RASEF: variants seen among roughly 807,000 people sequenced by gnomAD.
The protein encoded by RASEF is RAS and EF-hand domain containing.
RASEF carries 68 observed loss-of-function variants against 90.1 expected under a neutral mutation model. The observed-to-expected ratio is 0.75, with a 90% CI of 0.62 to 0.92. RASEF has a LOEUF of 0.92. Among genes scored for constraint, RASEF ranks in the 40% least tolerant of loss-of-function variants. The pLI is 0.00. For missense variants in RASEF, 949 were observed against 937.2 expected, an observed-to-expected ratio of 1.01 and a Z score of -0.16; for synonymous variants, 331 against 345.2, an observed-to-expected ratio of 0.96 and a Z score of 0.46.
the RASEF span, among the ~76,000 whole-genome samples, chr9:83,102,053 G>GAA: frequency 6.8e-6 from 1 of 147,932 alleles, no homozygotes; most frequent in Admixed American, 6.7e-5. Context: ...CACAAAATGT[G>GAA]AAAAAAAAAA....
At chr9:83,081,640 G>A in the RASEF span, among the ~76,000 whole-genome samples, 46 of 152,256 alleles carry the variant, frequency 3.0e-4, no homozygotes, top group South Asian at 4.6e-3. Context: ...TTCAACCACC[G>A]TTGGAAGTTC....
Position 82,998,415 on chromosome 9 carries a change from CA to C in RASEF, c.1754del (p.Val585GlyfsTer52), listed in dbSNP as rs1828961221. The C allele has an allele frequency of 1.2e-6, 2 of 1,612,914 alleles. No individual in the cohort carries two copies. The highest frequency in any genetic ancestry group is 1.7e-6 in the Non-Finnish European group (2 of 1,179,040). On this transcript the variant is annotated frameshift_variant, in exon 13 of 17. Transcript: ENST00000376447. LOFTEE classifies it high-confidence loss of function. ...GVDFQMKTLI[V>X]DGERTVLQLW... is the part of the protein sequence containing the mutation. ...GCTGCAGAACTGTTCGTTCTCCATC[CA>C]CAATGAGGGTTTTCATTTGGAAATC...
intron 1 of RASEF, among the ~76,000 whole-genome samples, chr9:83,032,090 C>T (rs1188367523): frequency 2.6e-5 from 4 of 152,152 alleles, no homozygotes; most frequent in Admixed American, 6.5e-5. Context: ...AGCTAAATAC[C>T]TGTGGATTTC....
rs1166032779 is a variant in RASEF at position 82,982,165 on chromosome 9, G to A, written c.*512C>T. 1.3e-5 allele frequency: 2 copies of A among 152,858 alleles called. No individual in the cohort carries two copies. The highest frequency in any genetic ancestry group is 4.8e-5 in the African/African-American group (2 of 41,436). The allele number at this position is 152,858 out of a possible 1,614,324, so 9.5% of individuals were successfully genotyped here. A position where few individuals can be genotyped will look rare whatever the true frequency, so the allele number is the denominator to read the frequency against. ...TGCCAAGGGCTGCAAGGCCTTTGAG[G>A]GCAAGCTGCACATTTTACAGATGAA... On this transcript the variant is annotated 3_prime_UTR_variant, in exon 17 of 17. Transcript: ENST00000376447.
the RASEF span, among the ~76,000 whole-genome samples, chr9:83,113,118 G>A: frequency 1.2e-4 from 19 of 152,250 alleles, 1 homozygote; most frequent in South Asian, 1.7e-3. Flanking sequence ...CGGAGGGACC[G>A]ACTGGAGCCG....
chr9:83,069,696 G>A, the RASEF span, among the ~76,000 whole-genome samples: 2 of 152,152 alleles, frequency 1.3e-5, no homozygotes, highest in Non-Finnish European at 2.9e-5. Context: ...CAATAAGATT[G>A]CTGGGTCATA....
chr9:83,059,569 G>T (rs943424844), intron 1 of RASEF, among the ~76,000 whole-genome samples: 4 of 152,024 alleles, frequency 2.6e-5, no homozygotes, highest in Non-Finnish European at 4.4e-5. Context: ...TCAGAAACTG[G>T]CAAGGCTACA....
chr9:83,018,807 A>G lies in RASEF; in HGVS notation c.670-2907T>C, dbSNP rs373172573. 3.3e-4 allele frequency among the ~76,000 whole-genome samples: 51 copies of G among 152,306 alleles called. 1 individual carries two copies. The South Asian group carries it at 0.011, about 32-fold the overall frequency. On this transcript the variant is annotated intron_variant, in intron 3 of 16. Transcript: ENST00000376447. ...ATCAAGACAATGTAATATTGGCATA[A>G]CAATAGACAAATCAATCAATGGAAC... is the stretch of plus-strand genomic sequence containing the variant.
chr9:83,032,461 G>T (rs1829664500), intron 1 of RASEF, among the ~76,000 whole-genome samples: 4 of 152,232 alleles, frequency 2.6e-5, no homozygotes. Flanking sequence ...CAAGTCATAA[G>T]CATTAGTCAG....
chr9:83,022,748 T>TAGG (rs1829466438), intron 2 of RASEF, among the ~76,000 whole-genome samples: 2 of 152,206 alleles, frequency 1.3e-5, no homozygotes, highest in African/African-American at 4.8e-5. Context: ...TAAAGCCTAC[T>TAGG]TCACACCTAG....
chr9:83,033,308 C>T (rs1282636391), intron 1 of RASEF, among the ~76,000 whole-genome samples: 1 of 152,188 alleles, frequency 6.6e-6, no homozygotes, highest in Non-Finnish European at 1.5e-5. Context: ...GCATAAAGCT[C>T]ACAGGACTGA....
rs570135791 is a variant in RASEF, at chr9:83,018,955, T to C, written c.670-3055A>G. ...ATAAAGGTGTGGGAACAATTGGATATCTACATAAAAAAAATATGAACATTG... is the reference window on the plus strand; with the variant it reads ...ATAAAGGTGTGGGAACAATTGGATACCTACATAAAAAAAATATGAACATTG... On this transcript the variant is annotated intron_variant, in intron 3 of 16. Coordinates refer to ENST00000376447, the MANE Select transcript of RASEF (RefSeq NM_152573.4). 3.9e-4 allele frequency among the ~76,000 whole-genome samples: 60 copies of C among 152,194 alleles called. 1 individual carries two copies. Among genetic ancestry groups the C allele is most frequent in the South Asian group, 2.1e-3 (10 of 4,828 alleles).
At chr9:83,158,607 C>CATATATGTATATATGTACATATGT in the RASEF span, among the ~76,000 whole-genome samples, 3 of 130,076 alleles carry the variant, frequency 2.3e-5, no homozygotes, top group South Asian at 2.4e-4. Context: ...CAAATATATA[C>CATATATGTATATATGTACATATGT]ATATATGTAT....
chr9:83,030,992 A>T (rs1216584021), intron 1 of RASEF, among the ~76,000 whole-genome samples: 1 of 152,110 alleles, frequency 6.6e-6, no homozygotes, highest in African/African-American at 2.4e-5. Flanking sequence ...CAATATGGCT[A>T]AGCCTCGTGA....
At chr9:83,160,476 A>T in the RASEF span, among the ~76,000 whole-genome samples, 1 of 152,170 alleles carries the variant, frequency 6.6e-6, no homozygotes, top group Non-Finnish European at 1.5e-5. Flanking sequence ...GGGTTGGTGG[A>T]AAAAATTTCT....
the RASEF span, among the ~76,000 whole-genome samples, chr9:83,099,315 T>C: frequency 6.6e-6 from 1 of 152,196 alleles, no homozygotes; most frequent in Non-Finnish European, 1.5e-5. Flanking sequence ...CCATGATGAC[T>C]CTTTTAAGAA....
chr9:83,109,363 T>C, the RASEF span, among the ~76,000 whole-genome samples: 1 of 152,216 alleles, frequency 6.6e-6, no homozygotes, highest in Non-Finnish European at 1.5e-5. Flanking sequence ...TTGTAGAGAA[T>C]ACTCCCTGTG....
At chr9:83,104,484 C>T in the RASEF span, among the ~76,000 whole-genome samples, 1 of 152,058 alleles carries the variant, frequency 6.6e-6, no homozygotes, top group Non-Finnish European at 1.5e-5. Flanking sequence ...TATAAGAGCC[C>T]CTTCAATCAA....
At chr9:83,041,839 G>A (rs901543257) in intron 1 of RASEF, among the ~76,000 whole-genome samples, 1 of 152,148 alleles carries the variant, frequency 6.6e-6, no homozygotes, top group Non-Finnish European at 1.5e-5. Flanking sequence ...CAGTTGTCCT[G>A]CCACTGGTCC....
Sources: gnomAD v4.1 joint callset for allele counts (sites outside exome capture counted in the v4.1 genomes callset) on GRCh38, gnomAD v4.1.1 for gene constraint, MANE v1.5 for transcripts, NCBI Gene and HGNC (gene_info 2026-07-23, HGNC 2026-07-21) for gene names.